The following RBFOX1 variants were observed in gnomAD, a reference collection of about 807,000 sequenced individuals.
The protein encoded by RBFOX1 is RNA binding protein fox-1 homolog 1.
Under a neutral mutation model 57.7 loss-of-function variants are expected in RBFOX1, and 8 were observed. That is an observed-to-expected ratio of 0.14 (90% CI 0.08 to 0.25). RBFOX1 has a LOEUF of 0.25. Ranked by LOEUF, RBFOX1 falls within the 10% of genes least tolerant of loss-of-function variation. RBFOX1 has a pLI of 1.00. For missense variants in RBFOX1, 611 were observed against 548.5 expected (o/e 1.11, Z -1.14); for synonymous variants, 326 against 222.4 (o/e 1.47, Z -4.15).
At chr16:5,805,982 A>C (rs1445800045) in intron 3 of RBFOX1, among the ~76,000 whole-genome samples, 1 of 150,026 alleles carries the variant, frequency 6.7e-6, no homozygotes, top group Non-Finnish European at 1.5e-5. Context: ...TTGATCTCTC[A>C]GTGAGTCAAT....
intron 4 of RBFOX1, among the ~76,000 whole-genome samples, chr16:7,335,559 C>G (rs1012498857): frequency 1.4e-5 from 2 of 147,580 alleles, no homozygotes; most frequent in African/African-American, 4.9e-5. Flanking sequence ...ACCAGCATCG[C>G]CCTGTTTTAG....
At chr16:6,082,992 T>C (rs1002538239) in intron 1 of RBFOX1, among the ~76,000 whole-genome samples, 5 of 120,442 alleles carry the variant, frequency 4.2e-5, no homozygotes, top group African/African-American at 1.5e-4. Context: ...AAATTTTTGT[T>C]TGTGTGTTTG....
At chr16:7,127,153 G>A (rs950429705) in intron 4 of RBFOX1, among the ~76,000 whole-genome samples, 9 of 152,062 alleles carry the variant, frequency 5.9e-5, no homozygotes, top group African/African-American at 2.2e-4. Context: ...CCCTGACTGT[G>A]ATTATAATTT....
chr16:6,645,062 A>C (rs2098522873), intron 2 of RBFOX1, among the ~76,000 whole-genome samples: 2 of 152,112 alleles, frequency 1.3e-5, no homozygotes, highest in African/African-American at 4.8e-5. Context: ...GGTTCTGGGG[A>C]AGATTCATCT....
rs149563864 is a variant in RBFOX1, at chr16:7,146,332, C to T, written c.27+94234C>T. On this transcript the variant is annotated intron_variant, in intron 4 of 15. Coordinates refer to ENST00000550418, the MANE Select transcript of RBFOX1 (RefSeq NM_018723.4). ...TGCAATATATGTTGCCTTTGAAATGCACTTGCAGTGATGGTCTTTCCTATG... is the reference window on the plus strand; with the variant it reads ...TGCAATATATGTTGCCTTTGAAATGTACTTGCAGTGATGGTCTTTCCTATG... Among the ~76,000 whole-genome samples the T allele has an allele frequency of 2.6e-3, 391 of 152,296 alleles. 4 individuals are homozygous for T. Among genetic ancestry groups the T allele is most frequent in the African/African-American group, 8.6e-3 (359 of 41,578 alleles).
chr16:5,715,829 C>T (rs896838051), intron 3 of RBFOX1, among the ~76,000 whole-genome samples: 11 of 152,132 alleles, frequency 7.2e-5, no homozygotes, highest in African/African-American at 2.7e-4. Context: ...AAGCAAATAG[C>T]GAGAGAAGGG....
intron 4 of RBFOX1, among the ~76,000 whole-genome samples, chr16:7,091,084 T>G (rs1420792862): frequency 6.6e-6 from 1 of 152,208 alleles, no homozygotes; most frequent in Non-Finnish European, 1.5e-5. Flanking sequence ...CCGCTTAAAC[T>G]CTACTACAAT....
At chr16:6,120,109 A>C (rs7197327) in intron 1 of RBFOX1, among the ~76,000 whole-genome samples, 1 of 151,716 alleles carries the variant, frequency 6.6e-6, no homozygotes, top group South Asian at 2.1e-4. Context: ...GTGGTAGCAC[A>C]CATCAGTGCT....
chr16:5,440,376 A>T (rs574811945), intron 1 of RBFOX1, among the ~76,000 whole-genome samples: 1 of 152,336 alleles, frequency 6.6e-6, no homozygotes, highest in African/African-American at 2.4e-5. Flanking sequence ...CAAGTATCAC[A>T]AGTTTAGAGA....
At chr16:5,423,339 TGTGTGTGTG>T (rs2067412754) in intron 1 of RBFOX1, among the ~76,000 whole-genome samples, 1 of 152,218 alleles carries the variant, frequency 6.6e-6, no homozygotes, top group African/African-American at 2.4e-5. Flanking sequence ...TGCACATATT[TGTGTGTGTG>T]GTTCTCTGTG....
chr16:6,153,602 C>G (rs1472126596), intron 1 of RBFOX1, among the ~76,000 whole-genome samples: 2 of 152,022 alleles, frequency 1.3e-5, no homozygotes, highest in Non-Finnish European at 2.9e-5. Flanking sequence ...GTGGCATGAT[C>G]TCGGCTCACT....
chr16:6,238,218 C>G (rs1598682018), intron 1 of RBFOX1, among the ~76,000 whole-genome samples: 1 of 151,748 alleles, frequency 6.6e-6, no homozygotes, highest in East Asian at 1.9e-4. Flanking sequence ...GGCATTAGGT[C>G]TGCATTCACA....
chr16:7,217,198 G>A (rs994774977), intron 4 of RBFOX1, among the ~76,000 whole-genome samples: 4 of 151,070 alleles, frequency 2.6e-5, no homozygotes, highest in East Asian at 3.9e-4. Flanking sequence ...TCCGCCTTCC[G>A]GATTGAAGAG....
intron 3 of RBFOX1, among the ~76,000 whole-genome samples, chr16:5,736,574 A>T (rs11863993): frequency 6.6e-6 from 1 of 151,908 alleles, no homozygotes; most frequent in African/African-American, 2.4e-5. Context: ...GTCATTTGAA[A>T]GCCCTGTGAA....
intron 1 of RBFOX1, among the ~76,000 whole-genome samples, chr16:6,126,896 C>G (rs973253129): frequency 2.0e-5 from 3 of 152,134 alleles, no homozygotes; most frequent in Non-Finnish European, 4.4e-5. Context: ...AAGAAGCAAA[C>G]AGCTCAGAAA....
At chr16:6,657,418 C>T (rs1355836691) in intron 3 of RBFOX1, among the ~76,000 whole-genome samples, 1 of 152,024 alleles carries the variant, frequency 6.6e-6, no homozygotes, top group African/African-American at 2.4e-5. Context: ...GGACGGCGTG[C>T]CCCTCACCCC....
intron 4 of RBFOX1, among the ~76,000 whole-genome samples, chr16:7,083,180 C>T (rs1316026925): frequency 3.3e-5 from 5 of 152,052 alleles, no homozygotes; most frequent in South Asian, 2.1e-4. Context: ...TGACACCCCC[C>T]GAGGGGACAG....
chr16:5,919,710 G>C (rs909815730), intron 4 of RBFOX1, among the ~76,000 whole-genome samples: 2 of 152,124 alleles, frequency 1.3e-5, no homozygotes, highest in African/African-American at 4.8e-5. Context: ...CCACCACCTT[G>C]ATCTCGTTTC....
intron 1 of RBFOX1, among the ~76,000 whole-genome samples, chr16:6,225,232 A>T (rs202193320): frequency 2.1e-3 from 1 of 470 alleles, no homozygotes; most frequent in Non-Finnish European, 0.023. Flanking sequence ...TAGGAGAGTT[A>T]TATATATATA....
Sources: allele counts gnomAD v4.1 joint callset (sites outside exome capture counted in the v4.1 genomes callset), GRCh38; gene constraint gnomAD v4.1.1; transcripts MANE v1.5; gene names NCBI Gene and HGNC (gene_info 2026-07-23, HGNC 2026-07-21).